The following ELMO1 variants were observed in gnomAD, a reference collection of about 807,000 sequenced individuals.
The protein encoded by ELMO1 is engulfment and cell motility protein 1.
ELMO1 carries 26 observed loss-of-function variants against 98.9 expected under a neutral mutation model. That is an observed-to-expected ratio of 0.26 (90% CI 0.19 to 0.36). The LOEUF is 0.36. ELMO1 is among the 10% of genes least tolerant of loss of function. The pLI is 1.00. For synonymous variants in ELMO1, 346 were observed against 346.0 expected (o/e 1.00, Z 0.00); for missense variants, 627 against 935.2 (o/e 0.67, Z 4.30).
chr7:36,906,556 T>C (rs2001457), intron 16 of ELMO1, among the ~76,000 whole-genome samples: 16,350 of 152,224 alleles, frequency 0.11, 971 homozygotes, highest in Middle Eastern at 0.17. Flanking sequence ...AAGACTAATA[T>C]GTGCTAATCA....
chr7:36,964,273 C>T (rs1360858102), intron 16 of ELMO1, among the ~76,000 whole-genome samples: 1 of 152,170 alleles, frequency 6.6e-6, no homozygotes, highest in East Asian at 1.9e-4. Context: ...TGAAAATTCA[C>T]GTAATGCTGA....
chr7:37,129,626 A>G (rs2551069), intron 14 of ELMO1, among the ~76,000 whole-genome samples: 37,132 of 152,120 alleles, frequency 0.24, 5,781 homozygotes, highest in African/African-American at 0.45. Flanking sequence ...TTTAGTTCCA[A>G]AGTAACTCAT....
intron 15 of ELMO1, among the ~76,000 whole-genome samples, chr7:37,074,780 C>T (rs1293969317): frequency 6.6e-6 from 1 of 152,116 alleles, no homozygotes; most frequent in East Asian, 1.9e-4. Flanking sequence ...GGAGGTTTAG[C>T]TTGTTTAGGG....
chr7:37,078,198 A>G (rs150149559), intron 15 of ELMO1, among the ~76,000 whole-genome samples: 85 of 152,298 alleles, frequency 5.6e-4, no homozygotes, highest in African/African-American at 2.0e-3. Flanking sequence ...CATCTTTATA[A>G]TAATGCAGTC....
chr7:37,004,881 C>T (rs550738746), intron 16 of ELMO1, among the ~76,000 whole-genome samples: 3 of 151,950 alleles, frequency 2.0e-5, no homozygotes, highest in South Asian at 2.1e-4. Flanking sequence ...GAGGCTGAGA[C>T]GGGTGGATCA....
At position 37,013,234 on chromosome 7, in the gene ELMO1, G is replaced by T. The variant is rs1026329152; in HGVS notation, c.1437+65C>A. On this transcript the variant is annotated intron_variant, in intron 16 of 21. Transcript: ENST00000310758. ...CAATTGCCTTCTGCACACAGCCAAG[G>T]GACCATGCAGCAGGCCCCTTTAGCG... The T allele has an allele frequency of 2.8e-5, 45 of 1,591,942 alleles. No homozygotes were observed. The African/African-American group carries it at 4.7e-4, about 17-fold the overall frequency.
chr7:37,445,669 A>G (rs1033426642), intron 1 of ELMO1, among the ~76,000 whole-genome samples: 1 of 151,718 alleles, frequency 6.6e-6, no homozygotes, highest in African/African-American at 2.4e-5. Context: ...TAAATGTTCA[A>G]GACTTAGCTG....
intron 13 of ELMO1, among the ~76,000 whole-genome samples, chr7:37,164,625 T>C (rs570723237): frequency 8.9e-4 from 135 of 152,226 alleles, no homozygotes; most frequent in African/African-American, 3.0e-3. Context: ...TTTTCTCAGG[T>C]TTGTCAAAGA....
intron 16 of ELMO1, among the ~76,000 whole-genome samples, chr7:36,948,068 C>A (rs761946452): frequency 5.3e-5 from 8 of 152,160 alleles, no homozygotes; most frequent in Non-Finnish European, 8.8e-5. Context: ...TCCTAGCATG[C>A]AGAAGATGCT....
Position 36,894,884 on chromosome 7 carries a change from T to A in ELMO1, c.1571A>T (p.Asn524Ile). 1 of 1,614,170 alleles carries A rather than the reference T, an allele frequency of 6.2e-7. No individual in the cohort carries two copies. Among genetic ancestry groups the A allele is most frequent in the South Asian group, 1.1e-5 (1 of 91,088 alleles). ...ILKIRQSERM[N>I]QEDFQSRPIL... ...CGGGCGGGACTGGAAATCTTCCTGG[T>A]TCATCCTCTCGGACTGGCGGATTTT... Residue 524 changes from asparagine (N) to isoleucine (I), a missense_variant, in exon 17 of 22, where the codon AAC becomes ATC. Coordinates refer to ENST00000310758, the MANE Select transcript of ELMO1 (RefSeq NM_014800.11).
intron 13 of ELMO1, among the ~76,000 whole-genome samples, chr7:37,134,386 T>C (rs2541098): frequency 0.34 from 51,559 of 151,764 alleles, 10,417 homozygotes; most frequent in African/African-American, 0.57. Flanking sequence ...AGTAAAACCC[T>C]GTCTCTACTA....
At chr7:37,133,748 C>T (rs1787081108) in intron 13 of ELMO1, among the ~76,000 whole-genome samples, 1 of 152,112 alleles carries the variant, frequency 6.6e-6, no homozygotes, top group Non-Finnish European at 1.5e-5. Context: ...AGTCCACAGG[C>T]CTCTGAGCAC....
chr7:37,279,456 C>G (rs116686037), intron 4 of ELMO1, among the ~76,000 whole-genome samples: 188 of 152,296 alleles, frequency 1.2e-3, no homozygotes, highest in Middle Eastern at 3.4e-3. Context: ...CACAGACCCT[C>G]TGAAGGAAGC....
At chr7:37,147,916 G>C (rs560234675) in intron 13 of ELMO1, among the ~76,000 whole-genome samples, 12 of 151,636 alleles carry the variant, frequency 7.9e-5, no homozygotes, top group African/African-American at 2.9e-4. Flanking sequence ...GATGGAAGTT[G>C]TACTAACTTC....
At chr7:36,906,663 T>C (rs1388893581) in intron 16 of ELMO1, among the ~76,000 whole-genome samples, 1 of 152,082 alleles carries the variant, frequency 6.6e-6, no homozygotes, top group Non-Finnish European at 1.5e-5. Context: ...CAGTGACTCA[T>C]GTCTGTAATC....
chr7:37,096,762 T>C (rs1428620449), intron 14 of ELMO1, 35 bp from the exon 15 acceptor site: 1 of 1,572,236 alleles, frequency 6.4e-7, no homozygotes, highest in South Asian at 1.1e-5. Context: ...AGAAAGGAAA[T>C]TCAATTGTGG....
intron 14 of ELMO1, among the ~76,000 whole-genome samples, chr7:37,111,447 G>A (rs73335571): frequency 0.072 from 10,906 of 152,234 alleles, 628 homozygotes; most frequent in African/African-American, 0.15. Context: ...GCTTGAAATC[G>A]GCCACAGCAG....
In ELMO1 at chr7:37,277,314, A is replaced by C. The variant is rs1260144809; in HGVS notation, c.193-5432T>G. On this transcript the variant is annotated intron_variant, in intron 4 of 21. Transcript: ENST00000310758. The stretch of plus-strand genomic sequence containing the variant: ...AGAGGGGAAGAACAGGGTGTGCAGC[A>C]CAGGCTTTTAGAGGAGATGACATTC... Among the ~76,000 whole-genome samples, 5 of 152,350 alleles carry C rather than the reference A, an allele frequency of 3.3e-5. No homozygotes were observed. The East Asian group carries it at 9.6e-4, about 29-fold the overall frequency.
intron 14 of ELMO1, among the ~76,000 whole-genome samples, chr7:37,100,266 T>A (rs1420281232): frequency 6.6e-6 from 1 of 152,150 alleles, no homozygotes; most frequent in East Asian, 1.9e-4. Flanking sequence ...TTCTATGTCA[T>A]CTAATTTATC....
Sources: gnomAD v4.1 joint callset for allele counts (sites outside exome capture counted in the v4.1 genomes callset) on GRCh38, gnomAD v4.1.1 for gene constraint, MANE v1.5 for transcripts, NCBI Gene and HGNC (gene_info 2026-07-23, HGNC 2026-07-21) for gene names.